Variants in ACTR1A observed in about 807,000 individuals in gnomAD.
ACTR1A encodes the protein actin related protein 1A, also known as alpha-centractin.
ACTR1A carries 10 observed loss-of-function variants against 50.7 expected under a neutral mutation model. The ratio of observed to expected loss-of-function variants is 0.20; its 90% CI spans 0.12 to 0.33. The LOEUF (loss-of-function observed/expected upper bound fraction) is 0.33. Among genes scored for constraint, ACTR1A ranks in the 10% least tolerant of loss-of-function variants. ACTR1A has a pLI of 1.00. For missense variants in ACTR1A, 253 were observed against 491.7 expected, an observed-to-expected ratio of 0.51 and a Z score of 4.59; for synonymous variants, 177 against 184.2, an observed-to-expected ratio of 0.96 and a Z score of 0.32.
intron 1 of ACTR1A, among the ~76,000 whole-genome samples, chr10:102,495,755 A>ATTTTTTTTT (rs79530206): frequency 2.0e-5 from 2 of 99,550 alleles, no homozygotes; most frequent in Non-Finnish European, 3.9e-5. Flanking sequence ...TAAATACACA[A>ATTTTTTTTT]TTTTTTTTTT....
At chr10:102,501,191 A>G (rs1176085287) in intron 1 of ACTR1A, among the ~76,000 whole-genome samples, 1 of 152,154 alleles carries the variant, frequency 6.6e-6, no homozygotes, top group Admixed American at 6.5e-5. Context: ...GAAAACAACA[A>G]CAAAAATATA....
At chr10:102,491,303 T>C (rs1482766475) in intron 1 of ACTR1A, among the ~76,000 whole-genome samples, 3 of 152,192 alleles carry the variant, frequency 2.0e-5, no homozygotes, top group Non-Finnish European at 2.9e-5. Context: ...CATGACTCCT[T>C]GTTACGCCAC....
At position 102,482,818 on chromosome 10, in the gene ACTR1A, A is replaced by C; in HGVS notation, c.750+193T>G. The C allele has an allele frequency of 1.7e-6, 1 of 591,108 alleles. No homozygotes were observed. Among genetic ancestry groups the C allele is most frequent in the Non-Finnish European group, 3.0e-6 (1 of 331,906 alleles). The allele number at this position is 591,108 out of a possible 1,614,324, so 36.6% of individuals were successfully genotyped here. ...TGCAAAAGAATCTCATAATGTTTTA[A>C]GAAAGTTTACGACTTTGTGTTGGGC... On this transcript the variant is annotated intron_variant, in intron 7 of 10. Coordinates refer to ENST00000369905, the MANE Select transcript of ACTR1A (RefSeq NM_005736.4). This position sits in a 1 kb window ranked among gnomAD's most constrained non-coding sequence, Gnocchi z 5.6.
intron 6 of ACTR1A, 49 bp from the exon 7 acceptor site, chr10:102,483,152 T>G: frequency 1.4e-6 from 2 of 1,413,656 alleles, no homozygotes; most frequent in Non-Finnish European, 2.0e-6. Flanking sequence ...CTGGTGCACA[T>G]CCAGTCAAAG....
At chr10:102,498,546 C>T (rs715438) in intron 1 of ACTR1A, among the ~76,000 whole-genome samples, 46,856 of 151,758 alleles carry the variant, frequency 0.31, 7,523 homozygotes, top group Admixed American at 0.36. Flanking sequence ...GTGAGGTGCA[C>T]GATCTCACTG....
Position 102,502,689 on chromosome 10 carries a change from G to A in ACTR1A, c.-42C>T, listed in dbSNP as rs200977265. On this transcript the variant is annotated 5_prime_UTR_variant, in exon 1 of 11. Coordinates refer to ENST00000369905, the MANE Select transcript of ACTR1A (RefSeq NM_005736.4). The stretch of plus-strand genomic sequence containing the variant: ...CTTCTGGGGAAGGAACTGCCCAGCC[G>A]GGTCCGCCGCTAGCGCCACTGACAC... The A allele has an allele frequency of 1.4e-5, 23 of 1,610,840 alleles. No homozygotes were observed. The Admixed American group carries it at 3.0e-4, about 21-fold the overall frequency.
chr10:102,485,502 G>A lies in ACTR1A; in HGVS notation c.440+107C>T, dbSNP rs1029721873. On this transcript the variant is annotated intron_variant, in intron 5 of 10. Transcript: ENST00000369905. Reference sequence around the variant, plus strand: ...TCCCACCATCTTTAACCTTTCCCTAGCAGAGGGGGCTCAAGTTACTCTGAA... The same window carrying A: ...TCCCACCATCTTTAACCTTTCCCTAACAGAGGGGGCTCAAGTTACTCTGAA... The A allele has an allele frequency of 9.6e-6, 14 of 1,463,950 alleles. No homozygotes were observed. The Admixed American group carries it at 2.7e-4, about 29-fold the overall frequency. 90.7% of individuals were successfully genotyped at this position (1,463,950 alleles called of 1,614,324 possible).
rs398014648 is a variant in ACTR1A at position 102,493,001 on chromosome 10, CAAAA to C, written c.49-2392_49-2389del. Among the ~76,000 whole-genome samples, 450 of 48,932 alleles carry C rather than the reference CAAAA, an allele frequency of 9.2e-3. 3 individuals carry two copies. Among genetic ancestry groups the C allele is most frequent in the Middle Eastern group, 0.074 (4 of 54 alleles). 32.1% of individuals were successfully genotyped at this position (48,932 alleles called of 152,430 possible). A position where few individuals can be genotyped will look rare whatever the true frequency, so the allele number is the denominator to read the frequency against. On this transcript the variant is annotated intron_variant, in intron 1 of 10. Coordinates refer to ENST00000369905, the MANE Select transcript of ACTR1A (RefSeq NM_005736.4). ...AGGGAGACAGAGTGAGACTCCACCT[CAAAA>C]AAAAAAAAAAAAAAAAAAAGAAGTG...
chr10:102,479,746 C>A lies in ACTR1A; in HGVS notation c.*1117G>T. 1 of 1,225,572 alleles carries A rather than the reference C, an allele frequency of 8.2e-7. No individual in the cohort carries two copies. The highest frequency in any genetic ancestry group is 1.1e-6 in the Non-Finnish European group (1 of 934,062). 75.9% of individuals were successfully genotyped at this position (1,225,572 alleles called of 1,614,324 possible). A position where few individuals can be genotyped will look rare whatever the true frequency, so the allele number is the denominator to read the frequency against. ...GCAACTTGGTAAATTGCAGCTTTCT[C>A]CAGTCTTAAGGGCACTGGCTCTCCA... is the stretch of plus-strand genomic sequence containing the variant. On this transcript the variant is annotated 3_prime_UTR_variant, in exon 11 of 11. Transcript: ENST00000369905. This position sits in a 1 kb window ranked among gnomAD's most constrained non-coding sequence, Gnocchi z 4.0.
At chr10:102,499,746 A>C (rs908550773) in intron 1 of ACTR1A, among the ~76,000 whole-genome samples, 11 of 152,238 alleles carry the variant, frequency 7.2e-5, no homozygotes, top group Admixed American at 2.0e-4. Context: ...AAGGCAGAAG[A>C]AGCACAAAGA....
intron 1 of ACTR1A, among the ~76,000 whole-genome samples, chr10:102,490,974 C>A (rs2062189177): frequency 6.6e-6 from 1 of 151,656 alleles, no homozygotes; most frequent in Non-Finnish European, 1.5e-5. Context: ...GCCTGGGTGA[C>A]AGACTCTGTC....
intron 1 of ACTR1A, among the ~76,000 whole-genome samples, chr10:102,499,680 C>G (rs2135590810): frequency 6.6e-6 from 1 of 152,304 alleles, no homozygotes; most frequent in African/African-American, 2.4e-5. Flanking sequence ...TTCTGCATTG[C>G]TGATGAAAAC....
chr10:102,490,940 C>T (rs1463979378), intron 1 of ACTR1A, among the ~76,000 whole-genome samples: 6 of 151,872 alleles, frequency 4.0e-5, no homozygotes, highest in Admixed American at 3.9e-4. Flanking sequence ...TTGCAGTGAG[C>T]CAAGATTGTG....
intron 5 of ACTR1A, among the ~76,000 whole-genome samples, chr10:102,485,336 C>T (rs990428589): frequency 4.6e-5 from 7 of 152,222 alleles, no homozygotes; most frequent in East Asian, 3.8e-4. Context: ...GTGGCTGCCT[C>T]GGCAGGCCCA....
In ACTR1A at chr10:102,483,055, T is replaced by G; in HGVS notation, c.706A>C (p.Thr236Pro). The change falls in exon 7 of 11, where the codon ACA becomes CCA. Residue 236 changes from threonine (T) to proline (P), a missense_variant. Around this residue, in one of 4 missense-constraint regions of ACTR1A, gnomAD observed 116 missense variants for 155.9 expected, o/e 0.74. Transcript: ENST00000369905. ...GGCAGGTAGTACTGAGCTTTCTCTG[T>G]CTCTAGCGTCTCATCCTTTTGGGGG... is the stretch of plus-strand genomic sequence containing the variant. ...INPQKDETLE[T>P]EKAQYYLPDG... is the part of the protein sequence containing the mutation. The G allele has an allele frequency of 6.2e-7, 1 of 1,614,218 alleles. No homozygotes were observed. Among genetic ancestry groups the G allele is most frequent in the Non-Finnish European group, 8.5e-7 (1 of 1,180,032 alleles).
At chr10:102,481,256 C>G in intron 9 of ACTR1A, 84 bp from the exon 10 acceptor site, 1 of 1,415,524 alleles carries the variant, frequency 7.1e-7, no homozygotes, top group South Asian at 1.4e-5. Context: ...CTGCCCATGG[C>G]AGGGGATACA....
At position 102,482,753 on chromosome 10, in the gene ACTR1A, C is replaced by G; in HGVS notation, c.750+258G>C. On this transcript the variant is annotated intron_variant, in intron 7 of 10. Transcript: ENST00000369905. This position sits in a 1 kb window ranked among gnomAD's most constrained non-coding sequence, Gnocchi z 5.6. ...ATTGTCTTGGGCCACACATAATATACACTAACACTAATGACAGCTGCTGAG... is the reference window on the plus strand; with the variant it reads ...ATTGTCTTGGGCCACACATAATATAGACTAACACTAATGACAGCTGCTGAG... 2.0e-6 allele frequency: 1 copy of G among 507,110 alleles called. No individual in the cohort carries two copies. The highest frequency in any genetic ancestry group is 3.4e-5 in the East Asian group (1 of 29,220). The allele number at this position is 507,110 out of a possible 1,614,324, so 31.4% of individuals were successfully genotyped here.
chr10:102,479,721 G>T lies in ACTR1A; in HGVS notation c.*1142C>A. On this transcript the variant is annotated 3_prime_UTR_variant, in exon 11 of 11. Transcript: ENST00000369905. This position sits in a 1 kb window ranked among gnomAD's most constrained non-coding sequence, Gnocchi z 4.0. ...CCCTGGTCAGCTACAGTGGCAAAAG[G>T]CAACTTGGTAAATTGCAGCTTTCTC... 7.8e-7 allele frequency: 1 copy of T among 1,274,874 alleles called. No individual in the cohort carries two copies. Among genetic ancestry groups the T allele is most frequent in the Non-Finnish European group, 1.0e-6 (1 of 976,870 alleles). The allele number at this position is 1,274,874 out of a possible 1,614,324, so 79.0% of individuals were successfully genotyped here.
At chr10:102,498,312 ATC>A (rs201677071) in intron 1 of ACTR1A, among the ~76,000 whole-genome samples, 1 of 149,708 alleles carries the variant, frequency 6.7e-6, no homozygotes, top group Non-Finnish European at 1.5e-5. Flanking sequence ...TGTTTAAAGT[ATC>A]TCTCTCTCTC....
Sources: gnomAD v4.1 joint callset for allele counts (sites outside exome capture counted in the v4.1 genomes callset) on GRCh38, gnomAD v4.1.1 for gene constraint, gnomAD v4.1.1 regional missense constraint, Gnocchi (gnomAD v3.1) non-coding constraint, MANE v1.5 for transcripts, NCBI Gene and HGNC (gene_info 2026-07-23, HGNC 2026-07-21) for gene names.